Variants in RHPN2 observed in about 807,000 individuals in gnomAD.
RHPN2 encodes rhophilin Rho GTPase binding protein 2.
A neutral mutation model predicts 79.0 loss-of-function variants in RHPN2; 40 were observed. The observed-to-expected ratio is 0.51, with a 90% CI of 0.39 to 0.66. The LOEUF (loss-of-function observed/expected upper bound fraction) is 0.66. Ranked by LOEUF, RHPN2 falls within the 30% of genes least tolerant of loss-of-function variation. RHPN2 has a pLI of 0.00. For synonymous variants in RHPN2, 285 were observed against 363.5 expected (o/e 0.78, Z 2.46); for missense variants, 686 against 883.5 (o/e 0.78, Z 2.83).
At chr19:33,064,680 G>T in intron 1 of RHPN2, 104 bp downstream of exon 1, 4 of 924,672 alleles carry the variant, frequency 4.3e-6, no homozygotes, top group Non-Finnish European at 5.8e-6. Flanking sequence ...TCCCCCTCCC[G>T]GCCTAGTGGA....
intron 14 of RHPN2, among the ~76,000 whole-genome samples, chr19:32,990,096 CT>C (rs1242141912): frequency 7.3e-6 from 1 of 137,458 alleles, no homozygotes. Flanking sequence ...CAGAGCGAGA[CT>C]CCGTCTCAAA....
At chr19:33,039,792 C>T (rs1436437691) in intron 2 of RHPN2, among the ~76,000 whole-genome samples, 1 of 150,626 alleles carries the variant, frequency 6.6e-6, no homozygotes, top group Non-Finnish European at 1.5e-5. Flanking sequence ...GAGCTAAGAT[C>T]ACGCCACTGC....
At chr19:33,044,179 G>T in intron 2 of RHPN2, 70 bp downstream of exon 2, 1 of 1,204,498 alleles carries the variant, frequency 8.3e-7, no homozygotes, top group Non-Finnish European at 1.2e-6. Flanking sequence ...GAAACCAAGA[G>T]CCTGGCCTGG....
intron 14 of RHPN2, among the ~76,000 whole-genome samples, chr19:32,988,393 C>A (rs960925436): frequency 4.6e-5 from 7 of 152,150 alleles, no homozygotes; most frequent in Non-Finnish European, 1.0e-4. Flanking sequence ...AACTATGTCC[C>A]AGGGCCACTC....
chr19:32,992,744 G>C (rs1417689288), intron 12 of RHPN2, among the ~76,000 whole-genome samples: 1 of 151,046 alleles, frequency 6.6e-6, no homozygotes, highest in South Asian at 2.1e-4. Flanking sequence ...CCAGGAGTTC[G>C]AGGCTGCAGT....
chr19:33,012,038 CTTTTT>C (rs34140133), intron 5 of RHPN2, among the ~76,000 whole-genome samples: 4 of 126,406 alleles, frequency 3.2e-5, no homozygotes, highest in Non-Finnish European at 1.6e-5. Context: ...GGTTTTCCTT[CTTTTT>C]TTTTTTTTTT....
chr19:33,037,813 A>C (rs1599829617), intron 2 of RHPN2, among the ~76,000 whole-genome samples: 2 of 152,324 alleles, frequency 1.3e-5, no homozygotes, highest in Admixed American at 1.3e-4. Context: ...CCGTCGCTTC[A>C]TTCTTGAAGT....
intron 1 of RHPN2, chr19:33,051,666 G>A: frequency 5.0e-6 from 1 of 201,426 alleles, no homozygotes. Flanking sequence ...ACAGATCACA[G>A]CTACAGTGAC....
At chr19:33,030,561 C>T (rs575267760) in intron 2 of RHPN2, among the ~76,000 whole-genome samples, 29 of 152,136 alleles carry the variant, frequency 1.9e-4, no homozygotes, top group Non-Finnish European at 4.3e-4. Context: ...CCACTGCACA[C>T]CAGCCTGGGT....
At chr19:33,058,086 G>A (rs551978942) in intron 1 of RHPN2, among the ~76,000 whole-genome samples, 52 of 152,176 alleles carry the variant, frequency 3.4e-4, no homozygotes, top group African/African-American at 1.1e-3. Flanking sequence ...CTTGAACCCC[G>A]GAGGCGGAGG....
chr19:33,043,788 G>A lies in RHPN2; in HGVS notation c.185+461C>T, dbSNP rs78676259. On this transcript the variant is annotated intron_variant, in intron 2 of 14. Transcript: ENST00000254260. ...ACTAATGAGTGCCCTAGATCACGGG[G>A]GTGTACTGAGCCCTCTCATTAGCAA... Among the ~76,000 whole-genome samples, 589 of 152,190 alleles carry A rather than the reference G, an allele frequency of 3.9e-3. 4 individuals are homozygous for A. Among genetic ancestry groups the A allele is most frequent in the African/African-American group, 0.014 (563 of 41,512 alleles).
intron 14 of RHPN2, among the ~76,000 whole-genome samples, chr19:32,989,594 CTA>C (rs1971638775): frequency 6.6e-6 from 1 of 152,036 alleles, no homozygotes; most frequent in African/African-American, 2.4e-5. Context: ...ATTTTTTTCA[CTA>C]TGAGTATGTA....
intron 1 of RHPN2, among the ~76,000 whole-genome samples, chr19:33,048,154 C>G (rs973470512): frequency 6.6e-6 from 1 of 151,782 alleles, no homozygotes; most frequent in East Asian, 2.0e-4. Context: ...CTCCTGGGTT[C>G]AAGTGATTAT....
intron 14 of RHPN2, among the ~76,000 whole-genome samples, chr19:32,989,989 C>G (rs892711352): frequency 6.6e-6 from 1 of 152,062 alleles, no homozygotes; most frequent in Non-Finnish European, 1.5e-5. Context: ...CCTGTAGTCC[C>G]ACCTGCTTGG....
At chr19:33,032,422 AG>A (rs1360247807) in intron 2 of RHPN2, among the ~76,000 whole-genome samples, 1 of 152,152 alleles carries the variant, frequency 6.6e-6, no homozygotes, top group African/African-American at 2.4e-5. Flanking sequence ...GAGGTGGTGT[AG>A]GGAGGAGCTG....
At chr19:32,985,071 T>C (rs1452812146) in intron 14 of RHPN2, among the ~76,000 whole-genome samples, 3 of 151,920 alleles carry the variant, frequency 2.0e-5, no homozygotes, top group Admixed American at 2.0e-4. Flanking sequence ...CAATCTCGGC[T>C]CACTGCAACC....
chr19:33,012,716 G>T lies in RHPN2; in HGVS notation c.399C>A (p.Ile133=). 6.3e-7 allele frequency: 1 copy of T among 1,589,338 alleles called. No homozygotes were observed. Among genetic ancestry groups the T allele is most frequent in the Non-Finnish European group, 8.6e-7 (1 of 1,157,552 alleles). The stretch of plus-strand genomic sequence containing the variant: ...AGCCATCTTCACTGTAATGTTCCAG[G>T]ATAAAATCCTTAAAGAAAAATGAGG... ...VDFAVVLKDF[I]LEHYSEDGYL... The change falls in exon 5 of 15, where the codon ATC becomes ATA. Residue 133 remains isoleucine (I), a synonymous_variant. Coordinates refer to ENST00000254260, the MANE Select transcript of RHPN2 (RefSeq NM_033103.5).
At chr19:33,009,877 C>A (rs565618462) in intron 6 of RHPN2, among the ~76,000 whole-genome samples, 1 of 152,252 alleles carries the variant, frequency 6.6e-6, no homozygotes, top group South Asian at 2.1e-4. Flanking sequence ...TTCCCGGATT[C>A]AAGTAATTCT....
At chr19:32,983,775 T>C (rs899437046) in intron 14 of RHPN2, among the ~76,000 whole-genome samples, 2 of 151,468 alleles carry the variant, frequency 1.3e-5, no homozygotes, top group Admixed American at 6.6e-5. Context: ...TACAGGCACA[T>C]GCCACCACAC....
Sources: gnomAD v4.1 joint callset for allele counts (sites outside exome capture counted in the v4.1 genomes callset) on GRCh38, gnomAD v4.1.1 for gene constraint, MANE v1.5 for transcripts, NCBI Gene and HGNC (gene_info 2026-07-23, HGNC 2026-07-21) for gene names.